ADAMTSL1: variants seen among roughly 807,000 people sequenced by gnomAD.
The protein encoded by ADAMTSL1 is ADAMTS like 1, also known as ADAMTS-like protein 1.
In ADAMTSL1, 126 loss-of-function variants were observed where a neutral mutation model predicts 201.8. That is an observed-to-expected ratio of 0.62 (90% CI 0.54 to 0.72). ADAMTSL1 has a LOEUF of 0.72. Among genes scored for constraint, ADAMTSL1 ranks in the 30% least tolerant of loss-of-function variants. The pLI is 0.00. For missense variants in ADAMTSL1, 2,679 were observed against 2,277.8 expected (o/e 1.18, Z -3.59); for synonymous variants, 1,121 against 903.4 (o/e 1.24, Z -4.32).
intron 1 of ADAMTSL1, among the ~76,000 whole-genome samples, chr9:18,022,197 C>A (rs969805665): frequency 6.6e-6 from 1 of 152,098 alleles, no homozygotes; most frequent in East Asian, 1.9e-4. Context: ...AGGGAAAGAT[C>A]ACCATAAACT....
chr9:18,652,179 C>G (rs1203255029), intron 7 of ADAMTSL1, among the ~76,000 whole-genome samples: 2 of 151,698 alleles, frequency 1.3e-5, no homozygotes, highest in East Asian at 1.9e-4. Flanking sequence ...CAAGACCAGC[C>G]TGGCCAAGAT....
At chr9:18,611,338 G>T (rs1035003188) in intron 4 of ADAMTSL1, among the ~76,000 whole-genome samples, 1 of 152,126 alleles carries the variant, frequency 6.6e-6, no homozygotes, top group Non-Finnish European at 1.5e-5. Context: ...CCCTAATTTT[G>T]GAAGCAGGGG....
intron 14 of ADAMTSL1, among the ~76,000 whole-genome samples, chr9:18,718,739 A>C (rs955194840): frequency 3.4e-4 from 52 of 152,232 alleles, no homozygotes; most frequent in African/African-American, 1.2e-3. Flanking sequence ...AAGTGGAAAC[A>C]CAGGTCACAT....
At chr9:18,712,158 C>T (rs1832656511) in intron 14 of ADAMTSL1, among the ~76,000 whole-genome samples, 1 of 152,124 alleles carries the variant, frequency 6.6e-6, no homozygotes, top group African/African-American at 2.4e-5. Flanking sequence ...AAAAACAGAA[C>T]AGAAAAACTG....
At chr9:17,931,456 A>C (rs1341080805) in intron 1 of ADAMTSL1, among the ~76,000 whole-genome samples, 1 of 152,182 alleles carries the variant, frequency 6.6e-6, no homozygotes, top group Non-Finnish European at 1.5e-5. Context: ...TCATTTGGAA[A>C]AGTTGGGAGG....
At chr9:18,873,947 T>C (rs2131472835) in intron 23 of ADAMTSL1, among the ~76,000 whole-genome samples, 1 of 152,290 alleles carries the variant, frequency 6.6e-6, no homozygotes, top group Middle Eastern at 3.4e-3. Flanking sequence ...GTGTTTCCAT[T>C]TGTGTCGTCT....
intron 6 of ADAMTSL1, among the ~76,000 whole-genome samples, chr9:18,637,248 A>G (rs1827161384): frequency 6.6e-6 from 1 of 152,136 alleles, no homozygotes; most frequent in African/African-American, 2.4e-5. Flanking sequence ...AAGATAATGT[A>G]TGTGTGTGTA....
At chr9:18,122,078 G>A (rs982210264) in intron 1 of ADAMTSL1, among the ~76,000 whole-genome samples, 7 of 152,130 alleles carry the variant, frequency 4.6e-5, no homozygotes, top group Admixed American at 6.6e-5. Context: ...TATGATATGT[G>A]ACCTGGTGAA....
chr9:18,349,372 C>G (rs1419780007), intron 2 of ADAMTSL1, among the ~76,000 whole-genome samples: 2 of 152,144 alleles, frequency 1.3e-5, no homozygotes, highest in African/African-American at 4.8e-5. Flanking sequence ...CTGTGTAGCT[C>G]TTAAGGAAGT....
chr9:18,874,613 C>G (rs1222560717), intron 23 of ADAMTSL1, among the ~76,000 whole-genome samples: 1 of 152,016 alleles, frequency 6.6e-6, no homozygotes, highest in East Asian at 1.9e-4. Context: ...TGCCTGCATC[C>G]CTGGTATGAA....
In ADAMTSL1 at chr9:18,030,563, G is replaced by GA. The variant is rs146533820; in HGVS notation, c.87+123650dup. 0.017 allele frequency among the ~76,000 whole-genome samples: 2,513 copies of GA among 151,026 alleles called. 253 individuals are homozygous for GA. In the East Asian group the frequency reaches 0.3, roughly 18 times the overall value. ...ACTTAAAGTATAATATTAATAAAAA[G>GA]AAAAAAAAATATTTTTCTTTTGTGT... On this transcript the variant is annotated intron_variant, in intron 1 of 29. Coordinates refer to the ADAMTSL1 transcript ENST00000680146.
At chr9:18,717,332 A>G (rs1449600618) in intron 14 of ADAMTSL1, among the ~76,000 whole-genome samples, 1 of 151,672 alleles carries the variant, frequency 6.6e-6, no homozygotes, top group Non-Finnish European at 1.5e-5. Context: ...TTCCTTCCCA[A>G]CAGATATTAA....
chr9:18,016,062 C>G (rs1489713122), intron 1 of ADAMTSL1, among the ~76,000 whole-genome samples: 1 of 151,998 alleles, frequency 6.6e-6, no homozygotes, highest in Non-Finnish European at 1.5e-5. Context: ...ATCATTTATA[C>G]AATCTTAATA....
chr9:18,080,108 T>A (rs547001327), intron 1 of ADAMTSL1, among the ~76,000 whole-genome samples: 3 of 151,664 alleles, frequency 2.0e-5, no homozygotes, highest in African/African-American at 7.3e-5. Flanking sequence ...TAATGGGAGG[T>A]CAAGGAGTGA....
At chr9:18,222,599 C>T (rs111396669) in intron 2 of ADAMTSL1, among the ~76,000 whole-genome samples, 1 of 147,518 alleles carries the variant, frequency 6.8e-6, no homozygotes, top group African/African-American at 2.5e-5. Context: ...TAGTTATTAG[C>T]ATTGTATATT....
At chr9:18,401,688 T>C (rs558086235) in intron 2 of ADAMTSL1, among the ~76,000 whole-genome samples, 2 of 152,214 alleles carry the variant, frequency 1.3e-5, no homozygotes, top group Admixed American at 6.5e-5. Flanking sequence ...TGCCTTCTTT[T>C]TTTTACAGTG....
At chr9:17,916,816 A>T (rs909968362) in intron 1 of ADAMTSL1, among the ~76,000 whole-genome samples, 2 of 152,188 alleles carry the variant, frequency 1.3e-5, no homozygotes, top group Non-Finnish European at 2.9e-5. Context: ...CAATTAAAAG[A>T]TGCATGCGGG....
At chr9:18,158,255 T>G (rs1827239637) in intron 1 of ADAMTSL1, among the ~76,000 whole-genome samples, 1 of 152,094 alleles carries the variant, frequency 6.6e-6, no homozygotes, top group South Asian at 2.1e-4. Context: ...ATATCATTAT[T>G]TTGGTACATA....
At chr9:18,542,396 T>C (rs1167391575) in intron 3 of ADAMTSL1, among the ~76,000 whole-genome samples, 1 of 152,206 alleles carries the variant, frequency 6.6e-6, no homozygotes, top group Non-Finnish European at 1.5e-5. Flanking sequence ...TTGAATTATG[T>C]CCTCATTCCA....
Sources: gnomAD v4.1 joint callset for allele counts (sites outside exome capture counted in the v4.1 genomes callset) on GRCh38, gnomAD v4.1.1 for gene constraint, MANE v1.5 for transcripts, NCBI Gene and HGNC (gene_info 2026-07-23, HGNC 2026-07-21) for gene names.